The following PAX2 variants were observed in gnomAD, a reference collection of about 807,000 sequenced individuals.
The protein encoded by PAX2 is paired box 2.
Under a neutral mutation model 41.7 loss-of-function variants are expected in PAX2, and 9 were observed. The ratio of observed to expected loss-of-function variants is 0.22; its 90% CI spans 0.13 to 0.38. The LOEUF is 0.38. PAX2 is among the 10% of genes least tolerant of loss of function. The pLI, the probability that PAX2 is intolerant of heterozygous loss-of-function variation, is 1.00. For missense variants in PAX2, 418 were observed against 531.6 expected (o/e 0.79, Z 2.10); for synonymous variants, 221 against 212.7 (o/e 1.04, Z -0.34).
chr10:100,752,308 T>C (rs781672658), intron 3 of PAX2, among the ~76,000 whole-genome samples: 1 of 152,228 alleles, frequency 6.6e-6, no homozygotes, highest in African/African-American at 2.4e-5. Flanking sequence ...GCATAGCGAT[T>C]TGACATTCAG....
intron 3 of PAX2, among the ~76,000 whole-genome samples, chr10:100,752,548 AGCCAAGGGCCAAGAGTG>A (rs779514597): frequency 1.3e-5 from 2 of 152,246 alleles, no homozygotes; most frequent in Non-Finnish European, 2.9e-5. Flanking sequence ...AGAGAAGAAC[AGCCAAGGGCCAAGAGTG>A]GCCCTGCTGT....
intron 3 of PAX2, among the ~76,000 whole-genome samples, chr10:100,779,260 C>G (rs1162145777): frequency 2.0e-5 from 3 of 152,200 alleles, no homozygotes; most frequent in Admixed American, 6.5e-5. Flanking sequence ...GGGTGATGCA[C>G]ATAGCAGGAC....
Position 100,827,565 on chromosome 10 carries a change from C to G in PAX2, c.1131C>G (p.Ala377=). Residue 377 remains alanine, a synonymous_variant, in exon 10 of 10, where the codon GCC becomes GCG. Coordinates refer to ENST00000355243, the MANE Select transcript of PAX2 (RefSeq NM_000278.5). This position sits in a 1 kb window ranked among gnomAD's most constrained non-coding sequence, Gnocchi z 8.5. ...ALLSSPYYYS[A]APRGSAPAAA... Reference sequence around the variant, plus strand: ...CAGGTTCCCCTTATTATTATAGTGCCGCCCCCCGGGGCTCCGCCCCTGCCG... The same window carrying G: ...CAGGTTCCCCTTATTATTATAGTGCGGCCCCCCGGGGCTCCGCCCCTGCCG... 1.9e-6 allele frequency: 3 copies of G among 1,613,918 alleles called. No individual in the cohort carries two copies. The highest frequency in any genetic ancestry group is 2.5e-6 in the Non-Finnish European group (3 of 1,179,762).
intron 3 of PAX2, among the ~76,000 whole-genome samples, chr10:100,764,910 G>A (rs1845967443): frequency 6.6e-6 from 1 of 152,120 alleles, no homozygotes; most frequent in East Asian, 1.9e-4. Flanking sequence ...GTCATACAGG[G>A]GAGAGGAAAG....
Position 100,826,876 on chromosome 10 carries a change from C to G in PAX2, c.1022-133C>G. 1 of 683,002 alleles carries G rather than the reference C, an allele frequency of 1.5e-6. No homozygotes were observed. 42.3% of individuals were successfully genotyped at this position (683,002 alleles called of 1,614,324 possible). A position where few individuals can be genotyped will look rare whatever the true frequency, so the allele number is the denominator to read the frequency against. On this transcript the variant is annotated intron_variant, in intron 8 of 9. Coordinates refer to ENST00000355243, the MANE Select transcript of PAX2 (RefSeq NM_000278.5). This position sits in a 1 kb window ranked among gnomAD's most constrained non-coding sequence, Gnocchi z 5.5. ...CCACCTCCGCCCGGCCCGCCCGCCA[C>G]GGCCATTACCCTGCCCGCGACACCT...
At chr10:100,747,536 A>G (rs1163943402) in intron 1 of PAX2, 2 of 786,574 alleles carry the variant, frequency 2.5e-6, no homozygotes, top group South Asian at 1.2e-4. Flanking sequence ...TCTGCAGATT[A>G]ATAATTAAGG....
rs185992216 is a variant in PAX2, at chr10:100,807,171, A to G, written c.792+566A>G. Among the ~76,000 whole-genome samples, 898 of 152,276 alleles carry G rather than the reference A, an allele frequency of 5.9e-3. 6 individuals are homozygous for G. Among genetic ancestry groups the G allele is most frequent in the African/African-American group, 0.02 (812 of 41,538 alleles). On this transcript the variant is annotated intron_variant, in intron 6 of 9. Coordinates refer to ENST00000355243, the MANE Select transcript of PAX2 (RefSeq NM_000278.5). Reference sequence around the variant, plus strand: ...ACTTTCTGCAGACACTGAGCAGCCCAGGACACATAGCATGGGGCACAGCAT... The same window carrying G: ...ACTTTCTGCAGACACTGAGCAGCCCGGGACACATAGCATGGGGCACAGCAT...
intron 5 of PAX2, among the ~76,000 whole-genome samples, chr10:100,799,992 G>A (rs1448212091): frequency 1.3e-5 from 2 of 151,754 alleles, no homozygotes; most frequent in South Asian, 2.1e-4. Context: ...TTACCATGTT[G>A]GCCAGGCTGG....
chr10:100,746,604 C>T (rs772764103), intron 1 of PAX2, among the ~76,000 whole-genome samples: 3 of 152,218 alleles, frequency 2.0e-5, no homozygotes, highest in African/African-American at 4.8e-5. Flanking sequence ...TCCACGGCCT[C>T]GGAGCCCTGG....
intron 5 of PAX2, among the ~76,000 whole-genome samples, chr10:100,795,089 A>G (rs1223399787): frequency 6.6e-6 from 1 of 152,240 alleles, no homozygotes; most frequent in Non-Finnish European, 1.5e-5. Context: ...TGCTTTGGGA[A>G]CTACTGAGCC....
Position 100,748,876 on chromosome 10 carries a change from C to A in PAX2, c.44-870C>A. On this transcript the variant is annotated intron_variant, in intron 1 of 9. Coordinates refer to ENST00000355243, the MANE Select transcript of PAX2 (RefSeq NM_000278.5). The surrounding 1 kb of genome is among the most constrained non-coding windows in gnomAD (Gnocchi z 5.0). ...GCCCCGAGAGTTATTAACTCGCCAGCGAGGCCTATGCCGTGCCACCTGGGC... is the reference window on the plus strand; with the variant it reads ...GCCCCGAGAGTTATTAACTCGCCAGAGAGGCCTATGCCGTGCCACCTGGGC... The A allele has an allele frequency of 2.0e-6, 2 of 985,436 alleles. No homozygotes were observed. The highest frequency in any genetic ancestry group is 2.4e-6 in the Non-Finnish European group (2 of 829,934). 61.0% of individuals were successfully genotyped at this position (985,436 alleles called of 1,614,324 possible).
At chr10:100,738,538 A>C (rs763942969) in intron 1 of PAX2, among the ~76,000 whole-genome samples, 2 of 152,162 alleles carry the variant, frequency 1.3e-5, no homozygotes, top group Non-Finnish European at 2.9e-5. Flanking sequence ...CCTCATCCAG[A>C]CGCTCAGCCC....
intron 5 of PAX2, among the ~76,000 whole-genome samples, chr10:100,784,458 T>C (rs1262215392): frequency 6.6e-6 from 1 of 152,178 alleles, no homozygotes; most frequent in African/African-American, 2.4e-5. Flanking sequence ...AGACTGGCCC[T>C]CCTTTGGCCC....
Position 100,824,533 on chromosome 10 carries a change from G to A in PAX2, c.920-115G>A, listed in dbSNP as rs1394214331. Reference sequence around the variant, plus strand: ...CACAGTGGCACACATACCCCTGCACGTCTGCACAGAGCTCTTTCCTCTCCA... The same window carrying A: ...CACAGTGGCACACATACCCCTGCACATCTGCACAGAGCTCTTTCCTCTCCA... On this transcript the variant is annotated intron_variant, in intron 7 of 9. Transcript: ENST00000355243. The surrounding 1 kb of genome is among the most constrained non-coding windows in gnomAD (Gnocchi z 6.6). 16 of 813,106 alleles carry A rather than the reference G, an allele frequency of 2.0e-5. No individual in the cohort carries two copies. Among genetic ancestry groups the A allele is most frequent in the Admixed American group, 5.1e-5 (3 of 58,418 alleles). 50.4% of individuals were successfully genotyped at this position (813,106 alleles called of 1,614,324 possible).
Position 100,745,614 on chromosome 10 carries a change from C to A in PAX2, c.-647C>A. The A allele has an allele frequency of 6.5e-6, 2 of 308,898 alleles. No individual in the cohort carries two copies. The highest frequency in any genetic ancestry group is 9.9e-6 in the Non-Finnish European group (2 of 202,458). 19.1% of individuals were successfully genotyped at this position (308,898 alleles called of 1,614,324 possible). A position where few individuals can be genotyped will look rare whatever the true frequency, so the allele number is the denominator to read the frequency against. ...GGCCGAGTCTTCTCGCAGCCGCAAC[C>A]CACCTGGGGCCAGCCCAGAGCTGCC... On this transcript the variant is annotated 5_prime_UTR_variant, in exon 1 of 10. Coordinates refer to ENST00000355243, the MANE Select transcript of PAX2 (RefSeq NM_000278.5).
chr10:100,802,435 T>C (rs1847596415), intron 5 of PAX2, among the ~76,000 whole-genome samples: 1 of 152,140 alleles, frequency 6.6e-6, no homozygotes, highest in Non-Finnish European at 1.5e-5. Context: ...ATGGGCAGGA[T>C]GGTGTTGCTG....
chr10:100,768,574 G>T (rs1265730986), intron 3 of PAX2, among the ~76,000 whole-genome samples: 2 of 152,180 alleles, frequency 1.3e-5, no homozygotes, highest in African/African-American at 4.8e-5. Context: ...TCTGTTAATT[G>T]TCTACATATA....
chr10:100,749,671 C>G (rs1231535264), intron 1 of PAX2, 75 bp from the exon 2 acceptor site: 1 of 1,554,208 alleles, frequency 6.4e-7, no homozygotes, highest in Non-Finnish European at 8.7e-7. Context: ...TCGCCCGTCC[C>G]GGGCCGCGGA....
chr10:100,781,602 C>A (rs567090967), intron 5 of PAX2, among the ~76,000 whole-genome samples: 8 of 152,362 alleles, frequency 5.3e-5, no homozygotes, highest in African/African-American at 1.9e-4. Flanking sequence ...CTAGGGCTCA[C>A]CCTATCGATC....
Sources: gnomAD v4.1 joint callset for allele counts (sites outside exome capture counted in the v4.1 genomes callset) on GRCh38, gnomAD v4.1.1 for gene constraint, Gnocchi (gnomAD v3.1) non-coding constraint, MANE v1.5 for transcripts, NCBI Gene and HGNC (gene_info 2026-07-23, HGNC 2026-07-21) for gene names.